Variants in SEMA6D observed in about 807,000 individuals in gnomAD.
The protein encoded by SEMA6D is semaphorin-6D.
In SEMA6D, 35 loss-of-function variants were observed where a neutral mutation model predicts 106.6. The observed-to-expected ratio is 0.33, with a 90% confidence interval of 0.25 to 0.44. The LOEUF (loss-of-function observed/expected upper bound fraction) is 0.44. Among genes scored for constraint, SEMA6D ranks in the 20% least tolerant of loss-of-function variants. SEMA6D has a pLI of 1.00. For synonymous variants in SEMA6D, 499 were observed against 487.7 expected, an observed-to-expected ratio of 1.02 and a Z score of -0.31; for missense variants, 1,185 against 1,345.9, an observed-to-expected ratio of 0.88 and a Z score of 1.87.
intron 4 of SEMA6D, among the ~76,000 whole-genome samples, chr15:47,611,894 A>G (rs1257371181): frequency 6.6e-6 from 1 of 152,216 alleles, no homozygotes; most frequent in Admixed American, 6.5e-5. Context: ...CCCGATGGAA[A>G]ATACATGTAA....
At chr15:47,189,196 C>T (rs1326425963) in intron 1 of SEMA6D, among the ~76,000 whole-genome samples, 1 of 152,122 alleles carries the variant, frequency 6.6e-6, no homozygotes, top group South Asian at 2.1e-4. Context: ...CTTGATTCCT[C>T]TGTCTCTCTA....
chr15:47,563,898 A>G (rs1456225693), intron 3 of SEMA6D, among the ~76,000 whole-genome samples: 4 of 152,242 alleles, frequency 2.6e-5, no homozygotes, highest in Non-Finnish European at 5.9e-5. Context: ...AAAAATAAGT[A>G]ACTGCCCTCA....
At chr15:47,501,681 G>T (rs2043852664) in intron 3 of SEMA6D, among the ~76,000 whole-genome samples, 1 of 152,124 alleles carries the variant, frequency 6.6e-6, no homozygotes, top group South Asian at 2.1e-4. Flanking sequence ...AAGTGAGCTG[G>T]TCATCCATGG....
intron 1 of SEMA6D, among the ~76,000 whole-genome samples, chr15:47,252,365 C>T (rs1209356131): frequency 6.6e-6 from 1 of 152,034 alleles, no homozygotes; most frequent in Non-Finnish European, 1.5e-5. Context: ...TTAGCGTGTC[C>T]ATCACCTCAG....
intron 1 of SEMA6D, among the ~76,000 whole-genome samples, chr15:47,264,313 C>A (rs892310282): frequency 2.0e-5 from 3 of 150,398 alleles, no homozygotes; most frequent in Non-Finnish European, 4.4e-5. Flanking sequence ...ATGTAATAAA[C>A]CTGGTCATTT....
intron 2 of SEMA6D, among the ~76,000 whole-genome samples, chr15:47,435,427 A>G (rs2140642210): frequency 6.6e-6 from 1 of 152,198 alleles, no homozygotes; most frequent in Admixed American, 6.5e-5. Context: ...TTTCCTCCTT[A>G]TGCCCTGTAA....
intron 3 of SEMA6D, among the ~76,000 whole-genome samples, chr15:47,557,955 C>G (rs906089674): frequency 6.6e-6 from 1 of 152,034 alleles, no homozygotes. Context: ...TCTGATGAAG[C>G]CTATAGTCTC....
chr15:47,599,985 T>C (rs2076614961), intron 3 of SEMA6D, among the ~76,000 whole-genome samples: 1 of 152,070 alleles, frequency 6.6e-6, no homozygotes, highest in South Asian at 2.1e-4. Flanking sequence ...TTTGTAGCAT[T>C]TGGGGAATTT....
chr15:47,499,830 C>T (rs927174033), intron 3 of SEMA6D, among the ~76,000 whole-genome samples: 3 of 151,952 alleles, frequency 2.0e-5, no homozygotes, highest in African/African-American at 7.3e-5. Flanking sequence ...ACACCAGGCT[C>T]ACAGATGGTG....
chr15:47,407,403 C>CAAAAAAA (rs1462088729), intron 1 of SEMA6D, among the ~76,000 whole-genome samples: 4 of 82,260 alleles, frequency 4.9e-5, no homozygotes, highest in East Asian at 3.6e-4. Flanking sequence ...ACAACAACAA[C>CAAAAAAA]AACAACAAAA....
intron 1 of SEMA6D, among the ~76,000 whole-genome samples, chr15:47,294,270 G>A (rs1402667898): frequency 6.7e-6 from 1 of 150,026 alleles, no homozygotes; most frequent in Non-Finnish European, 1.5e-5. Context: ...TTTCTCTGTC[G>A]CCCAGTGCAG....
intron 2 of SEMA6D, among the ~76,000 whole-genome samples, chr15:47,460,106 A>C (rs1483155838): frequency 6.6e-6 from 1 of 152,048 alleles, no homozygotes; most frequent in Non-Finnish European, 1.5e-5. Flanking sequence ...TCATCTAATT[A>C]GCCATCCCAC....
intron 1 of SEMA6D, among the ~76,000 whole-genome samples, chr15:47,748,224 A>G (rs2081250294): frequency 6.6e-6 from 1 of 152,202 alleles, no homozygotes; most frequent in Non-Finnish European, 1.5e-5. Context: ...ACGCTGCAGG[A>G]GAATGATGGT....
chr15:47,241,408 T>C (rs2032899487), intron 1 of SEMA6D: 1 of 152,032 alleles, frequency 6.6e-6, no homozygotes, highest in African/African-American at 2.4e-5. Context: ...GAATGCGACA[T>C]GTTTTTGTTG....
At chr15:47,196,045 G>A (rs1270040506) in intron 1 of SEMA6D, among the ~76,000 whole-genome samples, 8 of 149,542 alleles carry the variant, frequency 5.3e-5, no homozygotes, top group Middle Eastern at 3.4e-3. Flanking sequence ...TTTTGGAGAC[G>A]TGAGAACAGG....
chr15:47,292,119 A>T (rs1239459637), intron 1 of SEMA6D, among the ~76,000 whole-genome samples: 1 of 152,244 alleles, frequency 6.6e-6, no homozygotes, highest in Admixed American at 6.5e-5. Flanking sequence ...TGTGAATAGA[A>T]TATGCACTGT....
At chr15:47,253,579 A>G (rs1408329782) in intron 1 of SEMA6D, among the ~76,000 whole-genome samples, 1 of 152,062 alleles carries the variant, frequency 6.6e-6, no homozygotes, top group Admixed American at 6.6e-5. Flanking sequence ...CTGCATATGG[A>G]TATCCAGTTT....
chr15:47,284,200 G>A (rs1392115216), intron 1 of SEMA6D, among the ~76,000 whole-genome samples: 5 of 152,204 alleles, frequency 3.3e-5, no homozygotes, highest in Non-Finnish European at 7.3e-5. Context: ...TATCATAGAT[G>A]TGAAGATGTT....
At chr15:47,399,611 C>T (rs766159161) in intron 1 of SEMA6D, 2 of 152,206 alleles carry the variant, frequency 1.3e-5, no homozygotes, top group Admixed American at 1.3e-4. Context: ...TTGCCATTGT[C>T]AGCCGAGAGG....
Sources: allele counts gnomAD v4.1 joint callset (sites outside exome capture counted in the v4.1 genomes callset), GRCh38; gene constraint gnomAD v4.1.1; transcripts MANE v1.5; gene names NCBI Gene and HGNC (gene_info 2026-07-23, HGNC 2026-07-21).